Variants in PEX14 observed in about 807,000 individuals in gnomAD.
The protein encoded by PEX14 is peroxisomal membrane protein PEX14.
Under a neutral mutation model 49.5 loss-of-function variants are expected in PEX14, and 15 were observed. The ratio of observed to expected loss-of-function variants is 0.30; its 90% CI spans 0.20 to 0.47. The LOEUF (loss-of-function observed/expected upper bound fraction) is 0.47, where lower values mean the gene tolerates loss of function less well. Among genes scored for constraint, PEX14 ranks in the 20% least tolerant of loss-of-function variants. PEX14 has a pLI of 1.00. For synonymous variants in PEX14, 210 were observed against 212.7 expected (o/e 0.99, Z 0.11); for missense variants, 398 against 494.8 (o/e 0.80, Z 1.86).
intron 4 of PEX14, among the ~76,000 whole-genome samples, chr1:10,609,439 C>T (rs1641214023): frequency 6.6e-6 from 1 of 152,174 alleles, no homozygotes; most frequent in Non-Finnish European, 1.5e-5. Flanking sequence ...ACTCATTTAA[C>T]TCCTGTAACC....
At chr1:10,522,238 C>G (rs962457680) in intron 2 of PEX14, among the ~76,000 whole-genome samples, 1 of 152,212 alleles carries the variant, frequency 6.6e-6, no homozygotes, top group Admixed American at 6.5e-5. Flanking sequence ...GAAATAAATG[C>G]TTTTATAGAA....
At chr1:10,585,402 A>G (rs1640451259) in intron 3 of PEX14, among the ~76,000 whole-genome samples, 1 of 152,228 alleles carries the variant, frequency 6.6e-6, no homozygotes, top group Non-Finnish European at 1.5e-5. Flanking sequence ...TGAAAGATAT[A>G]AACCCCCAAA....
chr1:10,558,076 CTGT>C (rs746661242), intron 3 of PEX14, among the ~76,000 whole-genome samples: 27 of 152,086 alleles, frequency 1.8e-4, no homozygotes, highest in Non-Finnish European at 2.2e-4. Flanking sequence ...CTGTACTTGT[CTGT>C]TGTTGTGCTA....
At chr1:10,559,467 A>G (rs548581791) in intron 3 of PEX14, among the ~76,000 whole-genome samples, 2 of 152,342 alleles carry the variant, frequency 1.3e-5, no homozygotes, top group East Asian at 3.9e-4. Context: ...GGAAAAGCTG[A>G]AAGGCATTGG....
intron 1 of PEX14, among the ~76,000 whole-genome samples, chr1:10,487,255 T>G (rs1394035710): frequency 6.6e-6 from 1 of 151,790 alleles, no homozygotes; most frequent in Non-Finnish European, 1.5e-5. Flanking sequence ...TTCTATAGTT[T>G]TTTTGTATGT....
intron 3 of PEX14, among the ~76,000 whole-genome samples, chr1:10,541,305 G>A (rs1365067671): frequency 6.6e-6 from 1 of 152,222 alleles, no homozygotes; most frequent in Non-Finnish European, 1.5e-5. Context: ...CCTTTCTCAG[G>A]AGTGAGAGCT....
chr1:10,555,015 C>G (rs1639445184), intron 3 of PEX14, among the ~76,000 whole-genome samples: 1 of 152,150 alleles, frequency 6.6e-6, no homozygotes. Flanking sequence ...TTTGTCCAGC[C>G]TTCCCGTGGA....
intron 2 of PEX14, among the ~76,000 whole-genome samples, chr1:10,503,306 A>G (rs1641718769): frequency 1.2e-5 from 1 of 83,488 alleles, no homozygotes; most frequent in Admixed American, 1.6e-4. Flanking sequence ...AAAAAAAAAA[A>G]GAAAGAAAGA....
chr1:10,619,853 C>G (rs1276145928), intron 5 of PEX14, among the ~76,000 whole-genome samples: 1 of 152,148 alleles, frequency 6.6e-6, no homozygotes, highest in African/African-American at 2.4e-5. Flanking sequence ...CGCCTGTAAT[C>G]CCAGCACTTT....
At chr1:10,567,820 G>A (rs906332466) in intron 3 of PEX14, among the ~76,000 whole-genome samples, 8 of 151,918 alleles carry the variant, frequency 5.3e-5, no homozygotes, top group Admixed American at 1.3e-4. Flanking sequence ...TTGTAGAGAC[G>A]GGGTCTCACT....
At chr1:10,583,383 CTT>C (rs34977896) in intron 3 of PEX14, among the ~76,000 whole-genome samples, 34 of 127,898 alleles carry the variant, frequency 2.7e-4, no homozygotes, top group Non-Finnish European at 2.8e-4. Flanking sequence ...TTGCACCCAG[CTT>C]TTTTTTTTTT....
chr1:10,609,398 A>G (rs536053782), intron 4 of PEX14, among the ~76,000 whole-genome samples: 2 of 152,362 alleles, frequency 1.3e-5, no homozygotes, highest in East Asian at 3.9e-4. Flanking sequence ...TTTTAAGTAT[A>G]CAATTCAATG....
chr1:10,624,122 T>C (rs531768916), intron 6 of PEX14, among the ~76,000 whole-genome samples: 1 of 152,226 alleles, frequency 6.6e-6, no homozygotes, highest in East Asian at 1.9e-4. Context: ...CATGGACAAC[T>C]ACACAATGGA....
chr1:10,596,295 G>A (rs1173895735), intron 3 of PEX14, among the ~76,000 whole-genome samples: 1 of 152,188 alleles, frequency 6.6e-6, no homozygotes, highest in Non-Finnish European at 1.5e-5. Context: ...ACTTGATTTC[G>A]GGTTAGAATA....
chr1:10,578,144 C>G (rs1455793836), intron 3 of PEX14, among the ~76,000 whole-genome samples: 2 of 152,172 alleles, frequency 1.3e-5, no homozygotes, highest in Non-Finnish European at 2.9e-5. Flanking sequence ...GGGATCACCC[C>G]GAAGTACATA....
At chr1:10,625,252 C>G (rs753188860) in intron 7 of PEX14, among the ~76,000 whole-genome samples, 35 of 152,230 alleles carry the variant, frequency 2.3e-4, no homozygotes, top group Admixed American at 4.6e-4. Flanking sequence ...ATCAGACAGA[C>G]CGGGCCCAGG....
intron 2 of PEX14, among the ~76,000 whole-genome samples, chr1:10,513,477 A>G (rs1299715301): frequency 1.3e-5 from 2 of 152,132 alleles, no homozygotes; most frequent in African/African-American, 4.8e-5. Context: ...TTTTAATTGA[A>G]CTGCAGTGAG....
At chr1:10,524,588 G>T (rs542221169) in intron 2 of PEX14, 1 of 161,452 alleles carries the variant, frequency 6.2e-6, no homozygotes, top group South Asian at 2.0e-4. Context: ...AGGGCATAAA[G>T]ACCCTCCTTT....
Position 10,512,217 on chromosome 1 carries a change from C to T in PEX14, c.84+16896C>T, listed in dbSNP as rs1325398121. Among the ~76,000 whole-genome samples, 3 of 152,170 alleles carry T rather than the reference C, an allele frequency of 2.0e-5. No homozygotes were observed. Among genetic ancestry groups the T allele is most frequent in the African/African-American group, 7.2e-5 (3 of 41,412 alleles). On this transcript the variant is annotated intron_variant, in intron 2 of 8. Transcript: ENST00000356607. The surrounding 1 kb of genome is among the most constrained non-coding windows in gnomAD (Gnocchi z 4.6). ...TCGTGATCTGCCCTCCTCGGCCTCC[C>T]AAAGTGCTGAGATTACAGACGTGAG...
Sources: gnomAD v4.1 joint callset for allele counts (sites outside exome capture counted in the v4.1 genomes callset) on GRCh38, gnomAD v4.1.1 for gene constraint, Gnocchi (gnomAD v3.1) non-coding constraint, MANE v1.5 for transcripts, NCBI Gene and HGNC (gene_info 2026-07-23, HGNC 2026-07-21) for gene names.